KIF16B: variants seen among roughly 807,000 people sequenced by gnomAD.
The protein encoded by KIF16B is kinesin-like protein KIF16B.
A neutral mutation model predicts 156.3 loss-of-function variants in KIF16B; 98 were observed. The observed-to-expected ratio is 0.63, with a 90% CI of 0.53 to 0.74. The LOEUF is 0.74. KIF16B is among the 30% of genes least tolerant of loss of function. The pLI is 0.00. For missense variants in KIF16B, 1,421 were observed against 1,606.5 expected, an observed-to-expected ratio of 0.88 and a Z score of 1.97; for synonymous variants, 564 against 583.7, an observed-to-expected ratio of 0.97 and a Z score of 0.49.
At chr20:16,377,412 A>AAAATAAATAAATAAATAAAT (rs377190523) in intron 19 of KIF16B, among the ~76,000 whole-genome samples, 1,820 of 151,318 alleles carry the variant, frequency 0.012, 57 homozygotes, top group African/African-American at 0.041. Flanking sequence ...TAAAATACAT[A>AAAATAAATAAATAAATAAAT]AAATAAATAA....
At chr20:16,444,624 T>A (rs1285741085) in intron 12 of KIF16B, among the ~76,000 whole-genome samples, 1 of 152,244 alleles carries the variant, frequency 6.6e-6, no homozygotes, top group Non-Finnish European at 1.5e-5. Context: ...GCATTATGCA[T>A]ACATGTTCAC....
rs184894726 is a variant in KIF16B at position 16,487,836 on chromosome 20, A to G, written c.1302+6455T>C. On this transcript the variant is annotated intron_variant, in intron 12 of 25. Transcript: ENST00000354981. ...CTCAATTTAAACTTCAGTCATTTAC[A>G]TTAGGATCCCATCATCACATGGATT... is the stretch of plus-strand genomic sequence containing the variant. Among the ~76,000 whole-genome samples the G allele has an allele frequency of 1.8e-3, 273 of 152,326 alleles. 2 individuals carry two copies. Among genetic ancestry groups the G allele is most frequent in the Non-Finnish European group, 1.0e-3 (71 of 68,022 alleles).
At chr20:16,286,006 T>C (rs1188469588) in intron 25 of KIF16B, among the ~76,000 whole-genome samples, 1 of 152,212 alleles carries the variant, frequency 6.6e-6, no homozygotes, top group Non-Finnish European at 1.5e-5. Context: ...TTGGTTGTAC[T>C]AGCTCATTAT....
rs2063006555 is a variant in KIF16B, at chr20:16,273,179, G to A, written c.*74C>T. The A allele has an allele frequency of 1.5e-6, 2 of 1,315,136 alleles. No individual in the cohort carries two copies. The highest frequency in any genetic ancestry group is 2.2e-6 in the Non-Finnish European group (2 of 918,796). The allele number at this position is 1,315,136 out of a possible 1,614,324, so 81.5% of individuals were successfully genotyped here. On this transcript the variant is annotated 3_prime_UTR_variant, in exon 26 of 26. Coordinates refer to ENST00000354981, the MANE Select transcript of KIF16B (RefSeq NM_024704.5). ...GGAGGCAGACCCGGATCCTCGCATG[G>A]GGGAGCTGCCCTGCATCGGAGCCCG...
At chr20:16,356,676 G>C (rs2064449523) in intron 22 of KIF16B, among the ~76,000 whole-genome samples, 1 of 152,114 alleles carries the variant, frequency 6.6e-6, no homozygotes, top group Non-Finnish European at 1.5e-5. Flanking sequence ...CAAGGAGTTA[G>C]GGCAAAAGCA....
intron 17 of KIF16B, among the ~76,000 whole-genome samples, chr20:16,401,512 G>C (rs909211043): frequency 1.3e-5 from 2 of 152,110 alleles, no homozygotes; most frequent in African/African-American, 4.8e-5. Context: ...AAGGGACTCA[G>C]GTGTCTTACT....
chr20:16,277,459 TTATATA>T (rs60624017), intron 25 of KIF16B, among the ~76,000 whole-genome samples: 4 of 143,902 alleles, frequency 2.8e-5, no homozygotes, highest in South Asian at 2.2e-4. Flanking sequence ...TATGTACATA[TTATATA>T]TATATATATA....
intron 12 of KIF16B, among the ~76,000 whole-genome samples, chr20:16,435,532 C>T (rs2146485711): frequency 6.6e-6 from 1 of 152,332 alleles, no homozygotes; most frequent in South Asian, 2.1e-4. Context: ...TCCTGGAACA[C>T]AATACATTCT....
intron 25 of KIF16B, among the ~76,000 whole-genome samples, chr20:16,278,574 G>A (rs538439081): frequency 4.4e-4 from 67 of 152,308 alleles, no homozygotes; most frequent in Non-Finnish European, 8.2e-4. Context: ...CAGGGGCAGT[G>A]AGCAGGGGTT....
intron 23 of KIF16B, among the ~76,000 whole-genome samples, chr20:16,346,197 G>C (rs562400490): frequency 2.6e-5 from 4 of 152,336 alleles, no homozygotes; most frequent in Non-Finnish European, 5.9e-5. Context: ...GGAAGAAGCT[G>C]GGCCTCTGCA....
At position 16,345,900 on chromosome 20, in the gene KIF16B, T is replaced by C. The variant is rs538260210; in HGVS notation, c.3622-9885A>G. On this transcript the variant is annotated intron_variant, in intron 23 of 25. Coordinates refer to ENST00000354981, the MANE Select transcript of KIF16B (RefSeq NM_024704.5). ...TATTTGCTCTGAGATGTATCTGCAA[T>C]GTATCCCCTCCTCTGGCTCCATTAG... Among the ~76,000 whole-genome samples the C allele has an allele frequency of 1.1e-3, 174 of 152,340 alleles. 2 individuals are homozygous for C. Among genetic ancestry groups the C allele is most frequent in the African/African-American group, 1.2e-3 (51 of 41,588 alleles).
rs556860248 is a variant in KIF16B, at chr20:16,452,690, C to T, written c.1303-22708G>A. Among the ~76,000 whole-genome samples, 79 of 152,104 alleles carry T rather than the reference C, an allele frequency of 5.2e-4. 1 individual carries two copies. Among genetic ancestry groups the T allele is most frequent in the African/African-American group, 1.8e-3 (75 of 41,526 alleles). On this transcript the variant is annotated intron_variant, in intron 12 of 25. Coordinates refer to ENST00000354981, the MANE Select transcript of KIF16B (RefSeq NM_024704.5). ...CTCTACTAAAAATACAAAAAATTAG[C>T]TGGGCGTGGTGGTGGGTGCCTGTAG...
chr20:16,554,021 C>T lies in KIF16B; in HGVS notation c.47+19208G>A, dbSNP rs73244236. ...TGAGGTGGGGCTGAGGGCAGCTCAG[C>T]GCCGGCCTGCAGGCACCCCTTGGCA... is the stretch of plus-strand genomic sequence containing the variant. On this transcript the variant is annotated intron_variant, in intron 1 of 25. Coordinates refer to ENST00000354981, the MANE Select transcript of KIF16B (RefSeq NM_024704.5). Among the ~76,000 whole-genome samples the T allele has an allele frequency of 3.8e-3, 577 of 152,290 alleles. 2 individuals carry two copies. Among genetic ancestry groups the T allele is most frequent in the African/African-American group, 0.013 (537 of 41,572 alleles).
In KIF16B at chr20:16,509,219, C is replaced by T. The variant is rs1039947821; in HGVS notation, c.557-1119G>A. On this transcript the variant is annotated intron_variant, in intron 6 of 25. Coordinates refer to ENST00000354981, the MANE Select transcript of KIF16B (RefSeq NM_024704.5). ...GGGATTGGATCATATGCATGTACCA[C>T]GACCAATTTAACCATGGAGACTACA... Among the ~76,000 whole-genome samples, 3 of 152,170 alleles carry T rather than the reference C, an allele frequency of 2.0e-5. No individual in the cohort carries two copies. The East Asian group carries it at 5.8e-4, about 29-fold the overall frequency.
rs753137214 is a variant in KIF16B, at chr20:16,379,225, C to T, written c.2777G>A (p.Arg926Lys). The T allele has an allele frequency of 6.2e-7, 1 of 1,614,054 alleles. No homozygotes were observed. The highest frequency in any genetic ancestry group is 2.2e-5 in the East Asian group (1 of 44,888). ...GCCTCTGTCAAGAATTTCAAATGCT[C>T]TCTGCTTTTCTTCCAACAGAGTTGG... is the stretch of plus-strand genomic sequence containing the variant. ...HLPTLLEEKQ[R>K]AFEILDRGPL... The change falls in exon 19 of 26, where the codon AGA (arginine) becomes AAA (lysine). Residue 926 changes from arginine (R) to lysine (K), a missense_variant. Coordinates refer to ENST00000354981, the MANE Select transcript of KIF16B (RefSeq NM_024704.5).
At chr20:16,380,685 T>C (rs929479484) in intron 18 of KIF16B, among the ~76,000 whole-genome samples, 5 of 152,208 alleles carry the variant, frequency 3.3e-5, no homozygotes, top group Admixed American at 2.0e-4. Flanking sequence ...TTGGGACAAA[T>C]GGTGATCACC....
chr20:16,374,464 T>A, intron 19 of KIF16B, 55 bp from the exon 20 acceptor site: 1 of 1,445,176 alleles, frequency 6.9e-7, no homozygotes, highest in East Asian at 2.4e-5. Flanking sequence ...CCGAGCATCC[T>A]TACTGTGTGA....
At chr20:16,285,705 T>C (rs937051222) in intron 25 of KIF16B, among the ~76,000 whole-genome samples, 7 of 152,106 alleles carry the variant, frequency 4.6e-5, no homozygotes, top group Non-Finnish European at 1.0e-4. Context: ...TAGTTCCAGC[T>C]ACTTGGAAGG....
chr20:16,404,134 A>G (rs1004581667), intron 17 of KIF16B, among the ~76,000 whole-genome samples: 1 of 152,174 alleles, frequency 6.6e-6, no homozygotes, highest in African/African-American at 2.4e-5. Flanking sequence ...TTGTTACTTC[A>G]CTTGTTCAGC....
Sources: allele counts gnomAD v4.1 joint callset (sites outside exome capture counted in the v4.1 genomes callset), GRCh38; gene constraint gnomAD v4.1.1; transcripts MANE v1.5; gene names NCBI Gene and HGNC (gene_info 2026-07-23, HGNC 2026-07-21).